Variants in MYO1E observed in about 807,000 individuals in gnomAD.
MYO1E encodes the protein unconventional myosin-Ie.
MYO1E carries 68 observed loss-of-function variants against 151.1 expected under a neutral mutation model. The ratio of observed to expected loss-of-function variants is 0.45; its 90% CI spans 0.37 to 0.55. MYO1E has a LOEUF of 0.55. MYO1E is among the 20% of genes least tolerant of loss of function. The probability of loss-of-function intolerance (pLI) is 0.00; values close to 1 mark genes in which losing one functional copy is unlikely to be tolerated. For missense variants in MYO1E, 1,363 were observed against 1,389.3 expected (o/e 0.98, Z 0.30); for synonymous variants, 601 against 501.7 (o/e 1.20, Z -2.64).
intron 4 of MYO1E, among the ~76,000 whole-genome samples, chr15:59,255,997 A>G (rs2080191877): frequency 6.6e-6 from 1 of 152,262 alleles, no homozygotes; most frequent in Admixed American, 6.5e-5. Flanking sequence ...GAAGGGAATG[A>G]AAAAATAGGG....
At chr15:59,143,584 C>T (rs561926568) in intron 26 of MYO1E, among the ~76,000 whole-genome samples, 1 of 152,266 alleles carries the variant, frequency 6.6e-6, no homozygotes, top group African/African-American at 2.4e-5. Flanking sequence ...GGGAAACTGC[C>T]GGTAGCTGTG....
chr15:59,332,732 A>G (rs150863559), intron 1 of MYO1E, among the ~76,000 whole-genome samples: 3,510 of 151,712 alleles, frequency 0.023, 54 homozygotes, highest in Non-Finnish European at 0.038. Context: ...TTTTAATTTA[A>G]TTTTTTAGAG....
intron 26 of MYO1E, among the ~76,000 whole-genome samples, chr15:59,142,106 C>CAA (rs201742555): frequency 6.9e-6 from 1 of 144,094 alleles, no homozygotes; most frequent in Non-Finnish European, 1.5e-5. Flanking sequence ...GACTCCATCC[C>CAA]AAAAAAAAAA....
Position 59,218,084 on chromosome 15 carries a change from A to G in MYO1E, c.914T>C (p.Leu305Ser), listed in dbSNP as rs2079931139. ...CCCTAGCAGATATGCAGGAAAAGCT[A>G]AAACTGTAGAACATAAAACAAAACA... The part of the protein sequence containing the change: ...NYAAVESEEF[L>S]AFPAYLLGIN... The change falls in exon 10 of 28, where the codon TTA becomes TCA. Residue 305 changes from leucine (L) to serine (S), a missense_variant. Leu to Ser is a moderately radical substitution (Grantham distance 145). Transcript: ENST00000288235. 1.2e-6 allele frequency: 2 copies of G among 1,614,210 alleles called. No individual in the cohort carries two copies. The highest frequency in any genetic ancestry group is 2.2e-5 in the East Asian group (1 of 44,890).
chr15:59,344,646 A>G (rs2080783920), intron 1 of MYO1E, among the ~76,000 whole-genome samples: 1 of 152,166 alleles, frequency 6.6e-6, no homozygotes, highest in Non-Finnish European at 1.5e-5. Flanking sequence ...CAGGGTCTGG[A>G]GTCAGAAATG....
intron 16 of MYO1E, among the ~76,000 whole-genome samples, chr15:59,200,872 C>T (rs2079797221): frequency 1.3e-5 from 2 of 152,072 alleles, no homozygotes; most frequent in African/African-American, 4.8e-5. Context: ...GCACTGAGAG[C>T]GTAAGTAACA....
chr15:59,272,270 C>G, intron 2 of MYO1E, 36 bp downstream of exon 2: 1 of 1,609,948 alleles, frequency 6.2e-7, no homozygotes, highest in Non-Finnish European at 8.5e-7. Context: ...ACTGTAATAT[C>G]ACTTAGAAAT....
chr15:59,220,891 A>G (rs2079950534), intron 9 of MYO1E, among the ~76,000 whole-genome samples: 1 of 144,908 alleles, frequency 6.9e-6, no homozygotes, highest in Non-Finnish European at 1.5e-5. Flanking sequence ...GAAATTCGAG[A>G]CCAGCCCTGG....
intron 1 of MYO1E, among the ~76,000 whole-genome samples, chr15:59,366,268 AG>A (rs2080912464): frequency 6.6e-6 from 1 of 151,058 alleles, no homozygotes. Context: ...CGTGAACCAC[AG>A]GGCCCAGCCC....
intron 4 of MYO1E, among the ~76,000 whole-genome samples, chr15:59,255,767 C>T (rs1015217886): frequency 6.6e-6 from 1 of 152,204 alleles, no homozygotes; most frequent in Non-Finnish European, 1.5e-5. Context: ...TTGGGCCACA[C>T]TGAAAGCTGT....
chr15:59,339,213 C>G (rs1408858436), intron 1 of MYO1E, among the ~76,000 whole-genome samples: 1 of 152,154 alleles, frequency 6.6e-6, no homozygotes, highest in Non-Finnish European at 1.5e-5. Context: ...TTTATCAAAC[C>G]TCAATAGACA....
intron 7 of MYO1E, among the ~76,000 whole-genome samples, chr15:59,226,087 T>C (rs1342243639): frequency 6.6e-6 from 1 of 152,226 alleles, no homozygotes; most frequent in East Asian, 1.9e-4. Flanking sequence ...CTGACATCCA[T>C]TATACACTTC....
At chr15:59,347,059 C>T (rs2080798126) in intron 1 of MYO1E, among the ~76,000 whole-genome samples, 1 of 152,186 alleles carries the variant, frequency 6.6e-6, no homozygotes, top group African/African-American at 2.4e-5. Flanking sequence ...TTCACCTTCT[C>T]AAAGTGCTCT....
At chr15:59,152,183 A>C (rs2079485311) in intron 26 of MYO1E, among the ~76,000 whole-genome samples, 1 of 152,132 alleles carries the variant, frequency 6.6e-6, no homozygotes, top group Non-Finnish European at 1.5e-5. Flanking sequence ...CCGAGACTGC[A>C]CCACTGCATT....
At chr15:59,368,790 C>A (rs2080929063) in intron 1 of MYO1E, among the ~76,000 whole-genome samples, 1 of 152,070 alleles carries the variant, frequency 6.6e-6, no homozygotes, top group African/African-American at 2.4e-5. Context: ...TAGTCCTCAG[C>A]AAAAGTGTGG....
chr15:59,182,631 A>G (rs1596355369), intron 18 of MYO1E, among the ~76,000 whole-genome samples: 1 of 152,220 alleles, frequency 6.6e-6, no homozygotes, highest in South Asian at 2.1e-4. Context: ...GAGCTAAGGG[A>G]GGCATCCAAG....
At chr15:59,203,258 C>T (rs2079812926) in intron 15 of MYO1E, among the ~76,000 whole-genome samples, 1 of 152,206 alleles carries the variant, frequency 6.6e-6, no homozygotes, top group African/African-American at 2.4e-5. Flanking sequence ...GGTCTCTGCT[C>T]ACCAGATGCC....
intron 1 of MYO1E, among the ~76,000 whole-genome samples, chr15:59,304,030 T>G (rs1171735264): frequency 6.6e-6 from 1 of 150,498 alleles, no homozygotes; most frequent in Non-Finnish European, 1.5e-5. Flanking sequence ...TCACCCAGGC[T>G]GGAGTGCAAC....
chr15:59,336,580 C>T (rs1057070888), intron 1 of MYO1E, among the ~76,000 whole-genome samples: 1 of 151,390 alleles, frequency 6.6e-6, no homozygotes, highest in Non-Finnish European at 1.5e-5. Flanking sequence ...ACATAGTACA[C>T]CCCTGGTCTT....
Sources: allele counts gnomAD v4.1 joint callset (sites outside exome capture counted in the v4.1 genomes callset), GRCh38; gene constraint gnomAD v4.1.1; transcripts MANE v1.5; gene names NCBI Gene and HGNC (gene_info 2026-07-23, HGNC 2026-07-21).